The following PLA2G4A variants were observed in gnomAD, a reference collection of about 807,000 sequenced individuals.
PLA2G4A encodes phospholipase A2 group IVA.
In PLA2G4A, 40 loss-of-function variants were observed where a neutral mutation model predicts 81.9. That is an observed-to-expected ratio of 0.49 (90% CI 0.38 to 0.64). The LOEUF is 0.64. Among genes scored for constraint, PLA2G4A ranks in the 30% least tolerant of loss-of-function variants. The probability of loss-of-function intolerance (pLI) is 0.00; values close to 1 mark genes in which losing one functional copy is unlikely to be tolerated. For synonymous variants in PLA2G4A, 302 were observed against 296.9 expected (o/e 1.02, Z -0.18); for missense variants, 715 against 905.1 (o/e 0.79, Z 2.69).
At chr1:186,921,937 A>G (rs1655368697) in intron 7 of PLA2G4A, among the ~76,000 whole-genome samples, 1 of 152,088 alleles carries the variant, frequency 6.6e-6, no homozygotes, top group Non-Finnish European at 1.5e-5. Flanking sequence ...CCTGTGCCAT[A>G]CCTTTGACAC....
In PLA2G4A at chr1:186,854,268, T is replaced by C; in HGVS notation, c.-69-18T>C. ...CATCCAAGAGGAAGCTTAACAATAG[T>C]GATTGTTTATTTTGTAGGTTTTAAA... is the stretch of plus-strand genomic sequence containing the variant. On this transcript the variant is annotated intron_variant, in intron 1 of 17. Transcript: ENST00000367466. 1 of 805,842 alleles carries C rather than the reference T, an allele frequency of 1.2e-6. No homozygotes were observed. The highest frequency in any genetic ancestry group is 2.2e-6 in the Non-Finnish European group (1 of 450,908). The allele number at this position is 805,842 out of a possible 1,614,324, so 49.9% of individuals were successfully genotyped here.
Position 186,854,475 on chromosome 1 carries a change from CTG to C in PLA2G4A, c.33+91_33+92del. 3 of 831,716 alleles carry C rather than the reference CTG, an allele frequency of 3.6e-6. No homozygotes were observed. In the South Asian group the frequency reaches 4.0e-5, roughly 11 times the overall value. 51.5% of individuals were successfully genotyped at this position (831,716 alleles called of 1,614,324 possible). ...TGCGGGTGTTGCTAGTAAAGTCAAA[CTG>C]TGACAACTTCTGCATTTGTTATTAA... is the stretch of plus-strand genomic sequence containing the variant. On this transcript the variant is annotated intron_variant, in intron 2 of 17. Transcript: ENST00000367466.
At position 186,893,918 on chromosome 1, in the gene PLA2G4A, C is replaced by CAAA. The variant is rs35114616; in HGVS notation, c.265-165_265-163dup. ...CAGCCTGGTGAGTGAGACCCTGTCT[C>CAAA]AAAAAAAAAAAAAAAAAGGAAAAGA... On this transcript the variant is annotated intron_variant, in intron 4 of 17. Transcript: ENST00000367466. Among the ~76,000 whole-genome samples, 131 of 118,256 alleles carry CAAA rather than the reference C, an allele frequency of 1.1e-3. 1 individual carries two copies. The highest frequency in any genetic ancestry group is 4.3e-3 in the African/African-American group (123 of 28,386). 77.6% of individuals were successfully genotyped at this position (118,256 alleles called of 152,430 possible). A position where few individuals can be genotyped will look rare whatever the true frequency, so the allele number is the denominator to read the frequency against.
chr1:186,897,821 T>C (rs1222535641), intron 5 of PLA2G4A, among the ~76,000 whole-genome samples: 2 of 152,178 alleles, frequency 1.3e-5, no homozygotes, highest in East Asian at 3.8e-4. Context: ...TTTTATTTTT[T>C]ATGTTAGGTT....
intron 3 of PLA2G4A, among the ~76,000 whole-genome samples, chr1:186,883,037 A>G (rs1653796876): frequency 6.6e-6 from 1 of 152,070 alleles, no homozygotes; most frequent in African/African-American, 2.4e-5. Flanking sequence ...CATTTAGGAA[A>G]AGAATGATGA....
At chr1:186,844,638 C>T (rs1008375631) in intron 1 of PLA2G4A, among the ~76,000 whole-genome samples, 1 of 152,102 alleles carries the variant, frequency 6.6e-6, no homozygotes, top group Non-Finnish European at 1.5e-5. Context: ...TTCTAGATCC[C>T]TGTTGGGGGA....
intron 7 of PLA2G4A, among the ~76,000 whole-genome samples, chr1:186,927,792 A>G (rs1034420110): frequency 9.9e-5 from 15 of 152,180 alleles, no homozygotes; most frequent in African/African-American, 1.7e-4. Flanking sequence ...GGAGAGGCAG[A>G]GCAAGACAGT....
intron 2 of PLA2G4A, among the ~76,000 whole-genome samples, chr1:186,864,150 A>T (rs769975924): frequency 4.6e-5 from 7 of 152,196 alleles, no homozygotes; most frequent in Non-Finnish European, 1.0e-4. Context: ...CTTATGGTTG[A>T]ATAGTATTCC....
At chr1:186,968,501 A>C (rs1045613009) in intron 15 of PLA2G4A, among the ~76,000 whole-genome samples, 2 of 149,156 alleles carry the variant, frequency 1.3e-5, no homozygotes, top group African/African-American at 2.5e-5. Flanking sequence ...TATTATGAGC[A>C]TTTTTTCATG....
chr1:186,872,006 G>A (rs1653290229), intron 3 of PLA2G4A, among the ~76,000 whole-genome samples: 1 of 152,092 alleles, frequency 6.6e-6, no homozygotes, highest in South Asian at 2.1e-4. Flanking sequence ...AGTCCAGGAA[G>A]TTGGTAAATG....
intron 13 of PLA2G4A, among the ~76,000 whole-genome samples, chr1:186,953,604 C>A (rs1327662022): frequency 6.6e-6 from 1 of 152,114 alleles, no homozygotes; most frequent in African/African-American, 2.4e-5. Context: ...TTCTTCAGAC[C>A]TATCCTGGAA....
chr1:186,977,448 C>A, intron 15 of PLA2G4A, 145 bp from the exon 16 acceptor site: 1 of 632,466 alleles, frequency 1.6e-6, no homozygotes. Context: ...TAATGAACTT[C>A]CTGAGAACAG....
At chr1:186,909,567 G>A (rs1177726897) in intron 6 of PLA2G4A, among the ~76,000 whole-genome samples, 1 of 150,864 alleles carries the variant, frequency 6.6e-6, no homozygotes, top group Non-Finnish European at 1.5e-5. Context: ...GGCCGAGGCA[G>A]GAGAATCGCT....
chr1:186,916,588 A>G (rs937577403), intron 7 of PLA2G4A, among the ~76,000 whole-genome samples: 6 of 152,034 alleles, frequency 3.9e-5, no homozygotes, highest in Non-Finnish European at 8.8e-5. Context: ...CTAATACTTT[A>G]CTTGTATCAT....
intron 6 of PLA2G4A, among the ~76,000 whole-genome samples, chr1:186,909,720 T>C (rs575867210): frequency 2.2e-4 from 33 of 151,824 alleles, no homozygotes; most frequent in Non-Finnish European, 4.4e-4. Flanking sequence ...CGTTACATGA[T>C]TTCCAAAATC....
chr1:186,832,512 A>G (rs1410043624), intron 1 of PLA2G4A, among the ~76,000 whole-genome samples: 1 of 152,192 alleles, frequency 6.6e-6, no homozygotes, highest in Admixed American at 6.5e-5. Context: ...TGAGCAATAT[A>G]AAAGAGTAGA....
chr1:186,899,404 T>G (rs975762), intron 5 of PLA2G4A, among the ~76,000 whole-genome samples: 145,953 of 152,178 alleles, frequency 0.96, 70,030 homozygotes, highest in East Asian at 1. Flanking sequence ...GACATCAATG[T>G]CTTAGGCATG....
chr1:186,965,206 C>A (rs1657088879), intron 14 of PLA2G4A, among the ~76,000 whole-genome samples: 1 of 152,086 alleles, frequency 6.6e-6, no homozygotes, highest in Non-Finnish European at 1.5e-5. Flanking sequence ...TACTTTTATC[C>A]TGATGTTACA....
chr1:186,909,352 C>T (rs548092291), intron 6 of PLA2G4A, among the ~76,000 whole-genome samples: 1 of 100,088 alleles, frequency 1.0e-5, no homozygotes, highest in Admixed American at 1.1e-4. Flanking sequence ...GAGTGTAGCC[C>T]AAGATTAGAC....
Sources: allele counts gnomAD v4.1 joint callset (sites outside exome capture counted in the v4.1 genomes callset), GRCh38; gene constraint gnomAD v4.1.1; transcripts MANE v1.5; gene names NCBI Gene and HGNC (gene_info 2026-07-23, HGNC 2026-07-21).